GABPB1: variants seen among roughly 807,000 people sequenced by gnomAD.
GABPB1 encodes GA-binding protein subunit beta-1.
In GABPB1, 15 loss-of-function variants were observed where a neutral mutation model predicts 45.9. That is an observed-to-expected ratio of 0.33 (90% confidence interval 0.22 to 0.50). GABPB1 has a LOEUF of 0.50. GABPB1 is among the 20% of genes least tolerant of loss of function. GABPB1 has a pLI of 0.98. For missense variants in GABPB1, 252 were observed against 457.5 expected, an observed-to-expected ratio of 0.55 and a Z score of 4.10; for synonymous variants, 143 against 154.4, an observed-to-expected ratio of 0.93 and a Z score of 0.55.
At chr15:50,325,546 T>C (rs2047723398) in intron 1 of GABPB1, among the ~76,000 whole-genome samples, 1 of 152,186 alleles carries the variant, frequency 6.6e-6, no homozygotes, top group Non-Finnish European at 1.5e-5. Flanking sequence ...TGTTTTTTTT[T>C]CTTGAGATGG....
At chr15:50,345,694 G>A (rs1356255300) in intron 1 of GABPB1, among the ~76,000 whole-genome samples, 1 of 150,956 alleles carries the variant, frequency 6.6e-6, no homozygotes, top group East Asian at 1.9e-4. Context: ...TCCTCCCAAA[G>A]TACAGATGTC....
At chr15:50,287,612 C>T (rs533368786) in intron 7 of GABPB1, among the ~76,000 whole-genome samples, 2 of 152,314 alleles carry the variant, frequency 1.3e-5, no homozygotes, top group Admixed American at 6.5e-5. Flanking sequence ...TCAGAAGAAA[C>T]CAAACCTGCC....
At chr15:50,354,128 A>G (rs1460980745) in intron 1 of GABPB1, 2 of 303,836 alleles carry the variant, frequency 6.6e-6, no homozygotes, top group Non-Finnish European at 1.3e-5. Flanking sequence ...AGGCACGCTG[A>G]TTCAACACAC....
At chr15:50,283,150 T>G (rs76870258) in intron 8 of GABPB1, among the ~76,000 whole-genome samples, 1 of 152,322 alleles carries the variant, frequency 6.6e-6, no homozygotes, top group Non-Finnish European at 1.5e-5. Flanking sequence ...AAGTAAGTAA[T>G]AGAAATCTGT....
At chr15:50,295,532 G>A (rs997542266) in intron 6 of GABPB1, among the ~76,000 whole-genome samples, 2 of 151,974 alleles carry the variant, frequency 1.3e-5, no homozygotes, top group African/African-American at 4.8e-5. Context: ...AAGAAAGACA[G>A]GAAAATGTGA....
chr15:50,347,862 C>A (rs1304908129), intron 1 of GABPB1, among the ~76,000 whole-genome samples: 1 of 152,036 alleles, frequency 6.6e-6, no homozygotes, highest in African/African-American at 2.4e-5. Context: ...TGGAGACCAG[C>A]CTAGCCAACA....
chr15:50,336,045 T>A (rs970353023), intron 1 of GABPB1, among the ~76,000 whole-genome samples: 11 of 151,888 alleles, frequency 7.2e-5, no homozygotes, highest in African/African-American at 2.7e-4. Context: ...ACACTTTTTT[T>A]AATATATTAG....
At chr15:50,304,315 C>T (rs191059000) in intron 2 of GABPB1, among the ~76,000 whole-genome samples, 182 bp from the exon 3 acceptor site, 1 of 152,216 alleles carries the variant, frequency 6.6e-6, no homozygotes, top group Non-Finnish European at 1.5e-5. Flanking sequence ...CCCAAACACT[C>T]TCAATGAAGA....
At chr15:50,296,905 C>CTTTTTTTTTTTTTTT (rs72486745) in intron 6 of GABPB1, among the ~76,000 whole-genome samples, 1 of 91,380 alleles carries the variant, frequency 1.1e-5, no homozygotes, top group Admixed American at 1.4e-4. Context: ...TAACTTAATT[C>CTTTTTTTTTTTTTTT]TTTTTTTTTT....
At chr15:50,309,009 A>G (rs1047817071) in intron 2 of GABPB1, among the ~76,000 whole-genome samples, 1 of 152,200 alleles carries the variant, frequency 6.6e-6, no homozygotes, top group Non-Finnish European at 1.5e-5. Flanking sequence ...GAAATTTTCT[A>G]TAATAAAAAA....
chr15:50,337,077 A>G (rs56156816), intron 1 of GABPB1, among the ~76,000 whole-genome samples: 1,083 of 4,402 alleles, frequency 0.25, 17 homozygotes, highest in East Asian at 0.31. Context: ...ATGTGTGTGT[A>G]TATATATATA....
intron 6 of GABPB1, among the ~76,000 whole-genome samples, chr15:50,293,534 T>A (rs1455336379): frequency 1.3e-5 from 2 of 152,184 alleles, no homozygotes; most frequent in African/African-American, 4.8e-5. Flanking sequence ...GGACATAAAA[T>A]AGTAATATAT....
chr15:50,322,507 C>T (rs1221931320), intron 1 of GABPB1, among the ~76,000 whole-genome samples: 1 of 151,906 alleles, frequency 6.6e-6, no homozygotes, highest in Non-Finnish European at 1.5e-5. Context: ...GATTGCGCCA[C>T]TGCACTCCAG....
intron 1 of GABPB1, among the ~76,000 whole-genome samples, chr15:50,337,061 A>T (rs2048155508): frequency 1.6e-5 from 1 of 60,812 alleles, no homozygotes; most frequent in East Asian, 2.5e-4. Flanking sequence ...AAAAAATTAC[A>T]TGTATATGTG....
chr15:50,337,001 C>T (rs1390654717), intron 1 of GABPB1, among the ~76,000 whole-genome samples: 1 of 148,490 alleles, frequency 6.7e-6, no homozygotes, highest in Non-Finnish European at 1.5e-5. Flanking sequence ...GCCATGATCG[C>T]ACCACTGCAC....
intron 1 of GABPB1, among the ~76,000 whole-genome samples, chr15:50,345,969 C>T (rs1035412522): frequency 6.6e-6 from 1 of 152,078 alleles, no homozygotes; most frequent in Non-Finnish European, 1.5e-5. Context: ...CCCTGGCCTC[C>T]CAAAGTGCTG....
At chr15:50,305,885 G>T (rs919094244) in intron 2 of GABPB1, among the ~76,000 whole-genome samples, 5 of 151,988 alleles carry the variant, frequency 3.3e-5, no homozygotes, top group African/African-American at 1.2e-4. Flanking sequence ...GAGCTCAAGC[G>T]ATCCTCCTCC....
At chr15:50,343,851 A>T (rs1372887768) in intron 1 of GABPB1, among the ~76,000 whole-genome samples, 2 of 152,152 alleles carry the variant, frequency 1.3e-5, no homozygotes, top group Non-Finnish European at 2.9e-5. Context: ...AAATGTAGTT[A>T]CCACACATGC....
At chr15:50,283,416 A>G (rs1340668982) in intron 8 of GABPB1, among the ~76,000 whole-genome samples, 2 of 151,962 alleles carry the variant, frequency 1.3e-5, no homozygotes, top group African/African-American at 2.4e-5. Flanking sequence ...CACAAAATTT[A>G]CAATACACTT....
Sources: allele counts gnomAD v4.1 joint callset (sites outside exome capture counted in the v4.1 genomes callset), GRCh38; gene constraint gnomAD v4.1.1; transcripts MANE v1.5; gene names NCBI Gene and HGNC (gene_info 2026-07-23, HGNC 2026-07-21).